SLC28A3: variants seen among roughly 807,000 people sequenced by gnomAD.
SLC28A3 encodes the protein concentrative Na(+)-nucleoside cotransporter 3.
SLC28A3 carries 68 observed loss-of-function variants against 84.2 expected under a neutral mutation model. The ratio of observed to expected loss-of-function variants is 0.81; its 90% CI spans 0.66 to 0.99. SLC28A3 has a LOEUF of 0.99. SLC28A3 is among the 50% of genes least tolerant of loss of function. The probability of loss-of-function intolerance (pLI) is 0.00; values close to 1 mark genes in which losing one functional copy is unlikely to be tolerated. For missense variants in SLC28A3, 712 were observed against 841.5 expected, an observed-to-expected ratio of 0.85 and a Z score of 1.90; for synonymous variants, 267 against 303.6, an observed-to-expected ratio of 0.88 and a Z score of 1.25.
intron 1 of SLC28A3, among the ~76,000 whole-genome samples, chr9:84,315,238 T>C (rs1826130871): frequency 6.6e-6 from 1 of 152,142 alleles, no homozygotes. Context: ...AATACTAAGT[T>C]AAAAATAAAA....
the SLC28A3 span, among the ~76,000 whole-genome samples, chr9:84,357,127 G>T: frequency 6.6e-6 from 1 of 152,148 alleles, no homozygotes; most frequent in Admixed American, 6.5e-5. Flanking sequence ...CATTGACACA[G>T]CTCAAGCATG....
At chr9:84,330,147 C>T (rs1307154174) in intron 1 of SLC28A3, among the ~76,000 whole-genome samples, 1 of 151,260 alleles carries the variant, frequency 6.6e-6, no homozygotes, top group African/African-American at 2.4e-5. Context: ...AAAGTTGGTT[C>T]TTAACTTACT....
chr9:84,302,435 G>C (rs1825668977), intron 4 of SLC28A3, 46 bp from the exon 5 acceptor site: 1 of 1,582,404 alleles, frequency 6.3e-7, no homozygotes. Context: ...TAACCACTGG[G>C]ACACGCCTCC....
At position 84,290,226 on chromosome 9, in the gene SLC28A3, T is replaced by C. The variant is rs1267418070; in HGVS notation, c.1077A>G (p.Glu359=). ...RPYLPYITKS[E]LHAIMTAGFS... ...ACCCGGCGGTCATGATGGCGTGGAGTTCAGACTTGGTGATGTAAGGTAAAT... is the reference window on the plus strand; with the variant it reads ...ACCCGGCGGTCATGATGGCGTGGAGCTCAGACTTGGTGATGTAAGGTAAAT... The change falls in exon 11 of 18, where the codon GAA becomes GAG. Residue 359 remains glutamate, a synonymous_variant. Transcript: ENST00000376238. 3.1e-6 allele frequency: 5 copies of C among 1,613,894 alleles called. No homozygotes were observed. The highest frequency in any genetic ancestry group is 2.2e-5 in the East Asian group (1 of 44,884).
the SLC28A3 span, among the ~76,000 whole-genome samples, chr9:84,353,025 A>C: frequency 6.6e-6 from 1 of 151,186 alleles, no homozygotes; most frequent in Admixed American, 6.6e-5. Context: ...GTTTCTTCTT[A>C]TTTATTGACA....
intron 1 of SLC28A3, among the ~76,000 whole-genome samples, chr9:84,320,037 A>C (rs1243735029): frequency 4.3e-5 from 4 of 92,306 alleles, no homozygotes; most frequent in South Asian, 6.0e-4. Context: ...CCTGGCTTGC[A>C]CTGTTTTTTT....
intron 1 of SLC28A3, among the ~76,000 whole-genome samples, chr9:84,336,079 A>G (rs942430256): frequency 1.5e-5 from 1 of 66,696 alleles, no homozygotes; most frequent in Non-Finnish European, 3.0e-5. Flanking sequence ...AAAAAAAAAA[A>G]TCAGCCTGGT....
rs545035460 is a variant in SLC28A3 at position 84,291,852 on chromosome 9, C to T, written c.1023+816G>A. ...TGTGACTCCATTCTGCCTGAAGCTG[C>T]ATATCTGGAGTGATGAGGGGCTTAT... On this transcript the variant is annotated intron_variant, in intron 10 of 17. Coordinates refer to ENST00000376238, the MANE Select transcript of SLC28A3 (RefSeq NM_001199633.2). Among the ~76,000 whole-genome samples, 4 of 152,318 alleles carry T rather than the reference C, an allele frequency of 2.6e-5. No individual in the cohort carries two copies. The South Asian group carries it at 6.2e-4, about 24-fold the overall frequency.
upstream of SLC28A3, chr9:84,340,802 T>G: frequency 7.9e-5 from 43 of 544,670 alleles, no homozygotes; most frequent in East Asian, 1.8e-4. Context: ...GGCTGACACC[T>G]GGTTGGGGTG....
Position 84,336,215 on chromosome 9 carries a change from A to T in SLC28A3, c.60+4359T>A, listed in dbSNP as rs372033027. 1.4e-3 allele frequency among the ~76,000 whole-genome samples: 217 copies of T among 152,202 alleles called. 7 individuals carry two copies. In the South Asian group the frequency reaches 0.043, roughly 30 times the overall value. On this transcript the variant is annotated intron_variant, in intron 1 of 17. Transcript: ENST00000376238. Reference sequence around the variant, plus strand: ...CCCGATTTCTACAAAAAAATACAAGAATTAGGTCGGGCACGGTGGCTCACG... The same window carrying T: ...CCCGATTTCTACAAAAAAATACAAGTATTAGGTCGGGCACGGTGGCTCACG...
At chr9:84,290,363 T>G in intron 10 of SLC28A3, 84 bp from the exon 11 acceptor site, 1 of 1,539,716 alleles carries the variant, frequency 6.5e-7, no homozygotes, top group Non-Finnish European at 8.8e-7. Context: ...CACAATTTTA[T>G]TCTTTAAAGC....
At chr9:84,321,135 C>T (rs1215022038) in intron 1 of SLC28A3, among the ~76,000 whole-genome samples, 1 of 152,010 alleles carries the variant, frequency 6.6e-6, no homozygotes, top group East Asian at 1.9e-4. Flanking sequence ...ACCTGTTTAG[C>T]CACGGTGAAC....
the SLC28A3 span, among the ~76,000 whole-genome samples, chr9:84,347,204 TAAA>T: frequency 0.094 from 5,873 of 62,246 alleles, 297 homozygotes; most frequent in East Asian, 0.31. Flanking sequence ...AGACTCTGTC[TAAA>T]AAAAAAAAAA....
chr9:84,284,122 TAACAA>T (rs1824881147), intron 14 of SLC28A3, among the ~76,000 whole-genome samples: 1 of 152,168 alleles, frequency 6.6e-6, no homozygotes, highest in African/African-American at 2.4e-5. Flanking sequence ...GTTTGCTCAT[TAACAA>T]AACGATTCTC....
rs183348727 is a variant in SLC28A3, at chr9:84,314,025, C to A, written c.61-571G>T. Among the ~76,000 whole-genome samples the A allele has an allele frequency of 2.1e-3, 326 of 152,220 alleles. 2 individuals carry two copies. Among genetic ancestry groups the A allele is most frequent in the Admixed American group, 3.7e-3 (56 of 15,300 alleles). ...ACTTTCCAATAGGCAGAGCTGGGAC[C>A]AGGGGCAGGTTTCCACTCTCCTTTC... is the stretch of plus-strand genomic sequence containing the variant. On this transcript the variant is annotated intron_variant, in intron 1 of 17. Transcript: ENST00000376238.
At chr9:84,356,564 G>C in the SLC28A3 span, among the ~76,000 whole-genome samples, 1,932 of 152,272 alleles carry the variant, frequency 0.013, 39 homozygotes, top group African/African-American at 0.044. Flanking sequence ...GGGCAAGGTG[G>C]CTCACGCTCG....
chr9:84,365,489 G>GT, the SLC28A3 span, among the ~76,000 whole-genome samples: 5 of 151,870 alleles, frequency 3.3e-5, no homozygotes, highest in Non-Finnish European at 7.4e-5. Context: ...CTGTGCAGAA[G>GT]TTTTTTTTAA....
At chr9:84,295,356 G>T (rs903346946) in intron 8 of SLC28A3, among the ~76,000 whole-genome samples, 3 of 152,078 alleles carry the variant, frequency 2.0e-5, no homozygotes, top group African/African-American at 7.2e-5. Flanking sequence ...ATGCTGAGGC[G>T]GGCGGATCAC....
At chr9:84,341,866 C>A (rs951111651), upstream of SLC28A3, among the ~76,000 whole-genome samples, 1 of 152,096 alleles carries the variant, frequency 6.6e-6, no homozygotes, top group Non-Finnish European at 1.5e-5. Flanking sequence ...CGGTGGCTCA[C>A]GCCTGTAATC....
Sources: gnomAD v4.1 joint callset for allele counts (sites outside exome capture counted in the v4.1 genomes callset) on GRCh38, gnomAD v4.1.1 for gene constraint, MANE v1.5 for transcripts, NCBI Gene and HGNC (gene_info 2026-07-23, HGNC 2026-07-21) for gene names.